The following EVI5 variants were observed in gnomAD, a reference collection of about 807,000 sequenced individuals.
EVI5 encodes ecotropic viral integration site 5 protein homolog.
EVI5 carries 73 observed loss-of-function variants against 112.0 expected under a neutral mutation model. The ratio of observed to expected loss-of-function variants is 0.65; its 90% CI spans 0.54 to 0.79. The LOEUF is 0.79. EVI5 is among the 30% of genes least tolerant of loss of function. The probability of loss-of-function intolerance (pLI) is 0.00; values close to 1 mark genes in which losing one functional copy is unlikely to be tolerated. For missense variants in EVI5, 900 were observed against 968.8 expected (o/e 0.93, Z 0.94); for synonymous variants, 305 against 319.9 (o/e 0.95, Z 0.50).
At chr1:92,545,347 A>G (rs1471418457) in intron 19 of EVI5, among the ~76,000 whole-genome samples, 3 of 151,970 alleles carry the variant, frequency 2.0e-5, no homozygotes, top group African/African-American at 7.3e-5. Flanking sequence ...AAGTGCTGAG[A>G]CTATAGGCCA....
intron 19 of EVI5, among the ~76,000 whole-genome samples, chr1:92,540,206 G>T (rs1295747013): frequency 6.6e-6 from 1 of 152,174 alleles, no homozygotes; most frequent in Non-Finnish European, 1.5e-5. Flanking sequence ...ATATACCCAG[G>T]AGTGGAACTG....
intron 13 of EVI5, among the ~76,000 whole-genome samples, chr1:92,652,027 T>TA (rs1225928484): frequency 1.3e-5 from 2 of 152,140 alleles, no homozygotes; most frequent in Admixed American, 1.3e-4. Flanking sequence ...AGCAGGAACT[T>TA]AAACAGATAC....
chr1:92,598,384 C>T (rs1424260419), intron 18 of EVI5, among the ~76,000 whole-genome samples: 1 of 151,852 alleles, frequency 6.6e-6, no homozygotes, highest in African/African-American at 2.4e-5. Context: ...TGTACCCCCA[C>T]ATCTAAAATT....
At chr1:92,612,136 A>T (rs1651971013) in intron 16 of EVI5, among the ~76,000 whole-genome samples, 1 of 152,160 alleles carries the variant, frequency 6.6e-6, no homozygotes, top group African/African-American at 2.4e-5. Flanking sequence ...AGAGATGATG[A>T]CTAAGTTTAG....
chr1:92,746,149 C>T (rs1422072209), intron 1 of EVI5, among the ~76,000 whole-genome samples: 1 of 152,176 alleles, frequency 6.6e-6, no homozygotes, highest in Non-Finnish European at 1.5e-5. Flanking sequence ...TGTCTCTTTA[C>T]CTCGCTTCTG....
intron 2 of EVI5, among the ~76,000 whole-genome samples, chr1:92,721,642 G>A (rs549395488): frequency 7.2e-5 from 11 of 152,170 alleles, no homozygotes; most frequent in East Asian, 3.9e-4. Context: ...AAACCTGTAC[G>A]TTGTGCACAT....
chr1:92,773,380 A>G (rs1332954742), intron 1 of EVI5, among the ~76,000 whole-genome samples: 2 of 152,244 alleles, frequency 1.3e-5, no homozygotes, highest in East Asian at 3.8e-4. Context: ...AGCAGACACA[A>G]AAGAAAACAC....
At chr1:92,520,121 A>G (rs188128009) in intron 19 of EVI5, among the ~76,000 whole-genome samples, 1 of 152,272 alleles carries the variant, frequency 6.6e-6, no homozygotes, top group Admixed American at 6.5e-5. Flanking sequence ...TAGTTGCAAA[A>G]CTATGCAAAC....
intron 16 of EVI5, among the ~76,000 whole-genome samples, chr1:92,621,919 A>G (rs1654679186): frequency 6.6e-6 from 1 of 151,980 alleles, no homozygotes; most frequent in Non-Finnish European, 1.5e-5. Flanking sequence ...TCAGGAGTTC[A>G]AGACTAGCCT....
At chr1:92,705,463 T>G (rs928433516) in intron 2 of EVI5, among the ~76,000 whole-genome samples, 1 of 152,202 alleles carries the variant, frequency 6.6e-6, no homozygotes, top group Non-Finnish European at 1.5e-5. Flanking sequence ...GCAGAAGGAC[T>G]TTAATCTGCT....
At chr1:92,650,885 T>C (rs1661968553) in intron 13 of EVI5, among the ~76,000 whole-genome samples, 1 of 152,238 alleles carries the variant, frequency 6.6e-6, no homozygotes, top group Admixed American at 6.5e-5. Flanking sequence ...GTGTATGCTC[T>C]ATCTGGAATG....
chr1:92,529,233 G>A (rs1662436342), intron 19 of EVI5, among the ~76,000 whole-genome samples: 1 of 152,140 alleles, frequency 6.6e-6, no homozygotes, highest in Admixed American at 6.5e-5. Flanking sequence ...AACTGGTTTG[G>A]CTTTGTCTTA....
chr1:92,756,225 T>A, intron 1 of EVI5: 1 of 421,442 alleles, frequency 2.4e-6, no homozygotes, highest in Middle Eastern at 5.4e-4. Context: ...ATCAGTGGAA[T>A]GGACCTCCGC....
At chr1:92,787,312 G>C (rs1685711876), upstream of EVI5, among the ~76,000 whole-genome samples, 1 of 152,038 alleles carries the variant, frequency 6.6e-6, no homozygotes, top group Non-Finnish European at 1.5e-5. Flanking sequence ...ATTTTAGCTG[G>C]GTTGTCACAA....
chr1:92,780,749 T>C (rs1684753704), intron 1 of EVI5, among the ~76,000 whole-genome samples: 1 of 151,818 alleles, frequency 6.6e-6, no homozygotes, highest in African/African-American at 2.4e-5. Context: ...GGGTCATGCC[T>C]AAATCCCAGC....
chr1:92,690,279 T>G (rs1669268068), intron 9 of EVI5, among the ~76,000 whole-genome samples: 1 of 151,606 alleles, frequency 6.6e-6, no homozygotes. Context: ...GTAAGAAGAA[T>G]AACATTTTTA....
upstream of EVI5, among the ~76,000 whole-genome samples, chr1:92,787,248 A>T (rs1685708379): frequency 6.6e-6 from 1 of 152,222 alleles, no homozygotes; most frequent in East Asian, 1.9e-4. Context: ...TCACCATCTG[A>T]CATTTGGAAT....
chr1:92,529,677 T>C (rs1400067308), intron 19 of EVI5, among the ~76,000 whole-genome samples: 1 of 152,160 alleles, frequency 6.6e-6, no homozygotes. Context: ...TAGACAATAA[T>C]AGAAAGACTA....
At chr1:92,651,845 C>A (rs1455563013) in intron 13 of EVI5, among the ~76,000 whole-genome samples, 2 of 93,172 alleles carry the variant, frequency 2.1e-5, no homozygotes, top group African/African-American at 7.1e-5. Context: ...AGCGAGACTC[C>A]GTCTCAAAAA....
Sources: allele counts gnomAD v4.1 joint callset (sites outside exome capture counted in the v4.1 genomes callset), GRCh38; gene constraint gnomAD v4.1.1; transcripts MANE v1.5; gene names NCBI Gene and HGNC (gene_info 2026-07-23, HGNC 2026-07-21).